The following AKAP4 variants were observed in gnomAD, a reference collection of about 807,000 sequenced individuals.
AKAP4 encodes the protein A-kinase anchoring protein 4, also known as A-kinase anchor protein 4.
A neutral mutation model predicts 42.6 loss-of-function variants in AKAP4; 4 were observed. The observed-to-expected ratio is 0.09, with a 90% confidence interval of 0.05 to 0.22. The LOEUF is 0.22. AKAP4 is among the 10% of genes least tolerant of loss of function. The probability of loss-of-function intolerance (pLI) is 1.00; values close to 1 mark genes in which losing one functional copy is unlikely to be tolerated. For synonymous variants in AKAP4, 223 were observed against 233.0 expected (o/e 0.96, Z 0.39); for missense variants, 551 against 630.7 (o/e 0.87, Z 1.35).
In AKAP4 at chrX:50,190,869, T is replaced by C; in HGVS notation, c.*91A>G. On this transcript the variant is annotated 3_prime_UTR_variant, in exon 6 of 6. Transcript: ENST00000358526. ...GTGTATTGGGAAATACAGTTGTGTATTGTGCAGTTGACTGGCCTGATGGTG... is the reference window on the plus strand; with the variant it reads ...GTGTATTGGGAAATACAGTTGTGTACTGTGCAGTTGACTGGCCTGATGGTG... The C allele has an allele frequency of 9.4e-7, 1 of 1,069,037 alleles. No homozygotes were observed. The highest frequency in any genetic ancestry group is 1.3e-6 in the Non-Finnish European group (1 of 781,489). 88.1% of individuals were successfully genotyped at this position (1,069,037 alleles called of 1,213,427 possible). A position where few individuals can be genotyped will look rare whatever the true frequency, so the allele number is the denominator to read the frequency against.
At position 50,190,857 on chromosome X, in the gene AKAP4, T is replaced by C; in HGVS notation, c.*103A>G. On this transcript the variant is annotated 3_prime_UTR_variant, in exon 6 of 6. Coordinates refer to ENST00000358526, the MANE Select transcript of AKAP4 (RefSeq NM_003886.3). ...GCAACTGCTCAAGTGTATTGGGAAA[T>C]ACAGTTGTGTATTGTGCAGTTGACT... is the stretch of plus-strand genomic sequence containing the variant. The C allele has an allele frequency of 1.0e-6, 1 of 985,607 alleles. No homozygotes were observed. The highest frequency in any genetic ancestry group is 1.4e-6 in the Non-Finnish European group (1 of 721,636). The allele number at this position is 985,607 out of a possible 1,213,427, so 81.2% of individuals were successfully genotyped here. A position where few individuals can be genotyped will look rare whatever the true frequency, so the allele number is the denominator to read the frequency against.
Position 50,192,855 on chromosome X carries a change from C to T in AKAP4, c.1858G>A (p.Asp620Asn), listed in dbSNP as rs1557203861. 1 of 1,211,725 alleles carries T rather than the reference C, an allele frequency of 8.3e-7. No homozygotes were observed. The highest frequency in any genetic ancestry group is 3.0e-5 in the East Asian group (1 of 33,829). The change falls in exon 5 of 6, where the codon GAC (aspartate) becomes AAC (asparagine). Residue 620 changes from aspartate (D) to asparagine (N), a missense_variant. Physicochemically the swap from Asp to Asn is conservative, Grantham distance 23 (BLOSUM62 1). Coordinates refer to ENST00000358526, the MANE Select transcript of AKAP4 (RefSeq NM_003886.3). The part of the protein sequence containing the change: ...STCQKENQHL[D>N]SQKMDMSNIV... The stretch of plus-strand genomic sequence containing the variant: ...TTTGACATATCCATTTTCTGGGAGT[C>T]CAGGTGTTGGTTCTCCTTTTGACAG...
intron 1 of AKAP4, among the ~76,000 whole-genome samples, chrX:50,199,063 T>C (rs1053489906): frequency 4.5e-5 from 5 of 111,282 alleles, no homozygotes; most frequent in African/African-American, 1.6e-4. Context: ...ACTTTGGGGA[T>C]TACATTTAGT....
intron 5 of AKAP4, among the ~76,000 whole-genome samples, chrX:50,191,782 C>G (rs1935116247): frequency 1.8e-5 from 2 of 109,673 alleles, no homozygotes; most frequent in South Asian, 8.0e-4. Context: ...AAGTGAGGCA[C>G]CTAGGGCATA....
At chrX:50,200,803 G>T in intron 1 of AKAP4, 60 bp downstream of exon 1, 1 of 1,106,252 alleles carries the variant, frequency 9.0e-7, no homozygotes, top group Non-Finnish European at 1.2e-6. Flanking sequence ...AGCTTCTGTA[G>T]TTTCACCTCA....
chrX:50,199,924 A>G lies in AKAP4; in HGVS notation c.27+939T>C, dbSNP rs182095492. The stretch of plus-strand genomic sequence containing the variant: ...CCCCTTCTCTATTCCCCTACAGCAT[A>G]TTAATAATAGCTATTCTCTAATGGC... On this transcript the variant is annotated intron_variant, in intron 1 of 5. Coordinates refer to ENST00000358526, the MANE Select transcript of AKAP4 (RefSeq NM_003886.3). Among the ~76,000 whole-genome samples, 241 of 87,932 alleles carry G rather than the reference A, an allele frequency of 2.7e-3. 1 individual carries two copies. Among genetic ancestry groups the G allele is most frequent in the African/African-American group, 9.1e-3 (212 of 23,317 alleles). 76.4% of individuals were successfully genotyped at this position (87,932 alleles called of 115,157 possible). A position where few individuals can be genotyped will look rare whatever the true frequency, so the allele number is the denominator to read the frequency against.
Position 50,192,564 on chromosome X carries a change from C to T in AKAP4, c.2149G>A (p.Asp717Asn), listed in dbSNP as rs1480691808. ...LCLIMAKYSNDGAALAELEEQ... is the reference protein window; with the variant it reads ...LCLIMAKYSNNGAALAELEEQ... ...TCCAACTCAGCAAGGGCTGCCCCATCGTTGCTATACTTAGCCATGATAAGG... is the reference window on the plus strand; with the variant it reads ...TCCAACTCAGCAAGGGCTGCCCCATTGTTGCTATACTTAGCCATGATAAGG... Residue 717 changes from aspartate (D) to asparagine (N), a missense_variant, in exon 5 of 6, where the codon GAT becomes AAT. By Grantham distance (23) the Asp-to-Asn change is conservative. Coordinates refer to ENST00000358526, the MANE Select transcript of AKAP4 (RefSeq NM_003886.3). 7 of 1,209,900 alleles carry T rather than the reference C, an allele frequency of 5.8e-6. No individual in the cohort carries two copies. The highest frequency in any genetic ancestry group is 7.8e-6 in the Non-Finnish European group (7 of 895,341).
intron 2 of AKAP4, among the ~76,000 whole-genome samples, chrX:50,197,997 A>G (rs1487971711): frequency 9.0e-6 from 1 of 111,665 alleles, no homozygotes; most frequent in African/African-American, 3.2e-5. Context: ...TTGCTACTAC[A>G]CTAGTGTTTC....
chrX:50,197,666 G>T, intron 2 of AKAP4, 72 bp from the exon 3 acceptor site: 1 of 940,847 alleles, frequency 1.1e-6, no homozygotes, highest in South Asian at 2.1e-5. Flanking sequence ...TCTTGGAGAT[G>T]ATAATAGCAC....
In AKAP4 at chrX:50,194,000, T is replaced by C. The variant is rs782447222; in HGVS notation, c.713A>G (p.Glu238Gly). 3 of 1,211,522 alleles carry C rather than the reference T, an allele frequency of 2.5e-6. No individual in the cohort carries two copies. The highest frequency in any genetic ancestry group is 2.2e-5 in the Admixed American group (1 of 45,972). ...VIQMAHKEIK[E>G]KLEGKSKCLH... ...GCATTTGCTTTTACCTTCCAACTTCTCCTTGATTTCCTTATGGGCCATCTG... is the reference window on the plus strand; with the variant it reads ...GCATTTGCTTTTACCTTCCAACTTCCCCTTGATTTCCTTATGGGCCATCTG... The change falls in exon 5 of 6, where the codon GAG (glutamate) becomes GGG (glycine). Residue 238 changes from glutamate (E) to glycine (G), a missense_variant. Transcript: ENST00000358526.
At position 50,197,583 on chromosome X, in the gene AKAP4, G is replaced by A. The variant is rs781950381; in HGVS notation, c.135C>T (p.Val45=). 1.7e-6 allele frequency: 2 copies of A among 1,204,363 alleles called. No individual in the cohort carries two copies. The highest frequency in any genetic ancestry group is 2.2e-5 in the Admixed American group (1 of 45,766). ...QDQDRKVICF[V]DVSTLNVEDK... ...CTTCTACATTCAGGGTGGACACATC[G>A]ACAAAGCATATCTGCATCAAATTAG... The change falls in exon 3 of 6, where the codon GTC becomes GTT. Residue 45 remains valine (V), a synonymous_variant. Coordinates refer to ENST00000358526, the MANE Select transcript of AKAP4 (RefSeq NM_003886.3).
At chrX:50,196,851 T>G in intron 4 of AKAP4, 40 bp downstream of exon 4, 25 of 1,021,669 alleles carry the variant, frequency 2.4e-5, no homozygotes, top group Non-Finnish European at 3.3e-5. Flanking sequence ...CATTGAGCTC[T>G]GAGAATTAGA....
chrX:50,199,655 G>T (rs1346168651), intron 1 of AKAP4, among the ~76,000 whole-genome samples: 1 of 110,073 alleles, frequency 9.1e-6, no homozygotes, highest in Non-Finnish European at 1.9e-5. Flanking sequence ...GGTATCTGGG[G>T]CTTGAATTTG....
intron 1 of AKAP4, 100 bp downstream of exon 1, chrX:50,200,763 T>A: frequency 1.2e-6 from 1 of 806,205 alleles, no homozygotes; most frequent in Non-Finnish European, 1.8e-6. Flanking sequence ...AATAAAAGTA[T>A]GAAAATAGAA....
chrX:50,193,695 C>A lies in AKAP4; in HGVS notation c.1018G>T (p.Val340Leu). ...SKGLMVYANQ[V>L]ASDMMVSLMK... The stretch of plus-strand genomic sequence containing the variant: ...AGAGAGACCATCATGTCAGATGCCA[C>A]CTGATTTGCATAAACCATGAGCCCC... The change falls in exon 5 of 6, where the codon GTG becomes TTG. Residue 340 changes from valine (V) to leucine (L), a missense_variant. By Grantham distance (32) the Val-to-Leu change is conservative. Coordinates refer to ENST00000358526, the MANE Select transcript of AKAP4 (RefSeq NM_003886.3). 8.3e-7 allele frequency: 1 copy of A among 1,211,625 alleles called. No individual in the cohort carries two copies. Among genetic ancestry groups the A allele is most frequent in the Non-Finnish European group, 1.1e-6 (1 of 895,464 alleles).
intron 4 of AKAP4, among the ~76,000 whole-genome samples, chrX:50,195,934 C>T (rs1000463576): frequency 1.2e-4 from 13 of 111,001 alleles, no homozygotes; most frequent in African/African-American, 4.3e-4. Context: ...TGCTTCATCT[C>T]CTCTCTTTTC....
intron 5 of AKAP4, 66 bp downstream of exon 5, chrX:50,192,238 G>C: frequency 1.0e-6 from 1 of 958,640 alleles, no homozygotes; most frequent in South Asian, 2.5e-5. Flanking sequence ...TGGGCTCTAA[G>C]TACAATGCTG....
chrX:50,192,813 T>A lies in AKAP4; in HGVS notation c.1900A>T (p.Ile634Phe). 8.3e-7 allele frequency: 1 copy of A among 1,211,994 alleles called. No individual in the cohort carries two copies. Among genetic ancestry groups the A allele is most frequent in the Non-Finnish European group, 1.1e-6 (1 of 895,577 alleles). The part of the protein sequence containing the change: ...MDMSNIVLML[I>F]QKLLNENPFK... ...GGGTTCTCATTAAGCAGTTTCTGAATCAGCATTAGAACGATGTTTGACATA... is the reference window on the plus strand; with the variant it reads ...GGGTTCTCATTAAGCAGTTTCTGAAACAGCATTAGAACGATGTTTGACATA... The change falls in exon 5 of 6, where the codon ATT (isoleucine) becomes TTT (phenylalanine). Residue 634 changes from isoleucine to phenylalanine, a missense_variant. By Grantham distance (21) the Ile-to-Phe change is conservative. Transcript: ENST00000358526.
chrX:50,200,783 C>T, intron 1 of AKAP4, 80 bp downstream of exon 1: 2 of 947,681 alleles, frequency 2.1e-6, no homozygotes, highest in Non-Finnish European at 3.0e-6. Context: ...AACTTGGAGG[C>T]TGCCTCAGCA....
Sources: gnomAD v4.1 joint callset for allele counts (sites outside exome capture counted in the v4.1 genomes callset) on GRCh38, gnomAD v4.1.1 for gene constraint, MANE v1.5 for transcripts, NCBI Gene and HGNC (gene_info 2026-07-23, HGNC 2026-07-21) for gene names.